Variants in KAZN observed in about 807,000 individuals in gnomAD.
The protein encoded by KAZN is kazrin, periplakin interacting protein.
A neutral mutation model predicts 87.4 loss-of-function variants in KAZN; 40 were observed. The ratio of observed to expected loss-of-function variants is 0.46; its 90% CI spans 0.36 to 0.60. The LOEUF (loss-of-function observed/expected upper bound fraction) is 0.60, where lower values mean the gene tolerates loss of function less well. Among genes scored for constraint, KAZN ranks in the 20% least tolerant of loss-of-function variants. The pLI is 0.00. For synonymous variants in KAZN, 466 were observed against 458.3 expected, an observed-to-expected ratio of 1.02 and a Z score of -0.22; for missense variants, 898 against 1,073.9, an observed-to-expected ratio of 0.84 and a Z score of 2.29.
chr1:14,195,495 C>T (rs1233656858), intron 2 of KAZN, among the ~76,000 whole-genome samples: 8 of 141,364 alleles, frequency 5.7e-5, no homozygotes, highest in Non-Finnish European at 1.2e-4. Flanking sequence ...TCAGGGATTC[C>T]AATTACAAAA....
intron 1 of KAZN, among the ~76,000 whole-genome samples, chr1:14,803,597 T>A (rs1316482794): frequency 6.6e-6 from 1 of 152,242 alleles, no homozygotes; most frequent in Admixed American, 6.5e-5. Flanking sequence ...CCATGAATGA[T>A]GCCCCAGCTC....
At chr1:14,908,986 A>G (rs1208474381) in intron 1 of KAZN, among the ~76,000 whole-genome samples, 1 of 152,168 alleles carries the variant, frequency 6.6e-6, no homozygotes, top group Non-Finnish European at 1.5e-5. Flanking sequence ...CCATCTCAAA[A>G]AAAAAAAGAG....
At chr1:14,997,816 G>GTGGGCA (rs1668051029) in intron 2 of KAZN, among the ~76,000 whole-genome samples, 1 of 152,152 alleles carries the variant, frequency 6.6e-6, no homozygotes, top group Admixed American at 6.5e-5. Flanking sequence ...ACAGCATCAG[G>GTGGGCA]TGGGCATGAT....
intron 1 of KAZN, among the ~76,000 whole-genome samples, chr1:14,748,481 A>T (rs900381373): frequency 1.1e-4 from 17 of 152,018 alleles, no homozygotes; most frequent in African/African-American, 3.9e-4. Flanking sequence ...TCTTTTTTCT[A>T]TTATCTCTTT....
intron 1 of KAZN, among the ~76,000 whole-genome samples, chr1:14,930,956 C>T (rs1333230547): frequency 3.3e-5 from 5 of 152,128 alleles, no homozygotes; most frequent in East Asian, 1.9e-4. Context: ...TGGCTCCTGA[C>T]GGGAGACTCC....
chr1:14,165,705 T>C (rs1645810554), intron 1 of KAZN, among the ~76,000 whole-genome samples: 1 of 152,208 alleles, frequency 6.6e-6, no homozygotes. Flanking sequence ...GAGCAGTTCT[T>C]CTTGTCCTCC....
intron 1 of KAZN, among the ~76,000 whole-genome samples, chr1:14,005,060 ATTTCT>A (rs1639978345): frequency 6.6e-6 from 1 of 152,158 alleles, no homozygotes; most frequent in Non-Finnish European, 1.5e-5. Flanking sequence ...CAAGAAATAA[ATTTCT>A]TTTCTTTATA....
At chr1:14,659,534 T>C (rs2148711911) in intron 1 of KAZN, among the ~76,000 whole-genome samples, 1 of 152,322 alleles carries the variant, frequency 6.6e-6, no homozygotes, top group Non-Finnish European at 1.5e-5. Context: ...CAGCACTTTA[T>C]GTTGTGTTTT....
intron 1 of KAZN, among the ~76,000 whole-genome samples, chr1:14,686,096 GTCTC>G (rs1640935668): frequency 6.6e-6 from 1 of 152,168 alleles, no homozygotes. Flanking sequence ...TTGAGACAGA[GTCTC>G]TCTCTGTTGC....
chr1:14,336,279 T>A (rs1034416484), intron 2 of KAZN, among the ~76,000 whole-genome samples: 4 of 152,254 alleles, frequency 2.6e-5, no homozygotes, highest in Non-Finnish European at 4.4e-5. Context: ...TGCATTCATG[T>A]TGCAGCATGT....
At chr1:14,287,494 T>C (rs898542710) in intron 2 of KAZN, among the ~76,000 whole-genome samples, 5 of 152,186 alleles carry the variant, frequency 3.3e-5, no homozygotes, top group African/African-American at 1.2e-4. Context: ...CTGTTATTGG[T>C]GTATAGGAAT....
At chr1:14,066,536 A>G (rs1276018447) in intron 1 of KAZN, among the ~76,000 whole-genome samples, 1 of 152,158 alleles carries the variant, frequency 6.6e-6, no homozygotes, top group South Asian at 2.1e-4. Flanking sequence ...CAGGAGAACA[A>G]TCTGTTCATT....
chr1:14,934,813 C>T (rs1236006343), intron 1 of KAZN, among the ~76,000 whole-genome samples: 1 of 152,232 alleles, frequency 6.6e-6, no homozygotes, highest in Non-Finnish European at 1.5e-5. Context: ...CCAGTCGCCC[C>T]CTCCATCTCT....
chr1:14,090,538 C>T lies in KAZN; in HGVS notation c.92-89897C>T, dbSNP rs149087726. On this transcript the variant is annotated intron_variant, in intron 1 of 16. Coordinates refer to the KAZN transcript ENST00000636203. ...GTTTCTCTCTGCCTTTTTGACATAT[C>T]GAGGCTATTTATAATGACTATTAAA... 1.4e-3 allele frequency among the ~76,000 whole-genome samples: 217 copies of T among 152,198 alleles called. 1 individual carries two copies. Among genetic ancestry groups the T allele is most frequent in the Non-Finnish European group, 1.1e-3 (76 of 68,006 alleles).
At position 14,465,846 on chromosome 1, in the gene KAZN, T is replaced by A. The variant is rs982933291; in HGVS notation, c.250-133137T>A. Reference sequence around the variant, plus strand: ...ATCCATTATATAGTTATGCACCATATAATGACATTTTGGTCAACAACAGAC... The same window carrying A: ...ATCCATTATATAGTTATGCACCATAAAATGACATTTTGGTCAACAACAGAC... On this transcript the variant is annotated intron_variant, in intron 2 of 16. Transcript: ENST00000636203. 2.6e-5 allele frequency among the ~76,000 whole-genome samples: 4 copies of A among 152,204 alleles called. No homozygotes were observed. In the East Asian group the frequency reaches 7.7e-4, roughly 29 times the overall value.
chr1:14,404,972 G>T (rs546544512), intron 2 of KAZN, among the ~76,000 whole-genome samples: 2 of 152,274 alleles, frequency 1.3e-5, no homozygotes, highest in African/African-American at 4.8e-5. Context: ...GCTCCTCCTG[G>T]AATTCTATGC....
At chr1:14,879,723 CA>C (rs1653133133) in intron 1 of KAZN, among the ~76,000 whole-genome samples, 1 of 152,184 alleles carries the variant, frequency 6.6e-6, no homozygotes, top group South Asian at 2.1e-4. Flanking sequence ...GCTTCGAATA[CA>C]ATTTGAATTG....
At chr1:14,047,100 C>A (rs1468729541) in intron 1 of KAZN, among the ~76,000 whole-genome samples, 1 of 152,198 alleles carries the variant, frequency 6.6e-6, no homozygotes, top group East Asian at 1.9e-4. Context: ...TGTCATCCAT[C>A]CATCCATCCA....
intron 1 of KAZN, among the ~76,000 whole-genome samples, chr1:14,809,137 G>C (rs531251458): frequency 7.2e-5 from 11 of 152,220 alleles, no homozygotes; most frequent in Non-Finnish European, 1.6e-4. Context: ...CCACTGGCAA[G>C]GAGGAATGGG....
Sources: gnomAD v4.1 joint callset for allele counts (sites outside exome capture counted in the v4.1 genomes callset) on GRCh38, gnomAD v4.1.1 for gene constraint, MANE v1.5 for transcripts, NCBI Gene and HGNC (gene_info 2026-07-23, HGNC 2026-07-21) for gene names.